The following PELI2 variants were observed in gnomAD, a reference collection of about 807,000 sequenced individuals.
PELI2 encodes E3 ubiquitin-protein ligase pellino homolog 2.
A neutral mutation model predicts 42.3 loss-of-function variants in PELI2; 23 were observed. The ratio of observed to expected loss-of-function variants is 0.54; its 90% CI spans 0.39 to 0.77. PELI2 has a LOEUF of 0.77. Among genes scored for constraint, PELI2 ranks in the 30% least tolerant of loss-of-function variants. PELI2 has a pLI of 0.00. For missense variants in PELI2, 463 were observed against 553.2 expected (o/e 0.84, Z 1.64); for synonymous variants, 245 against 212.2 (o/e 1.15, Z -1.34).
rs1883430183 is a variant in PELI2 at position 56,130,088 on chromosome 14, G to C, written c.77+11351G>C. Among the ~76,000 whole-genome samples the C allele has an allele frequency of 1.3e-5, 2 of 152,090 alleles. 1 individual carries two copies. The highest frequency in any genetic ancestry group is 4.2e-4 in the South Asian group (2 of 4,816). On this transcript the variant is annotated intron_variant, in intron 1 of 5. Coordinates refer to ENST00000267460, the MANE Select transcript of PELI2 (RefSeq NM_021255.3). ...TTTTTTTTTCTTTTCCTGAGGAGAT[G>C]AGGAAATTCTGGCTAGACTCTTGCT...
chr14:56,211,002 G>A (rs1886695025), intron 2 of PELI2, among the ~76,000 whole-genome samples: 2 of 152,190 alleles, frequency 1.3e-5, no homozygotes, highest in Non-Finnish European at 2.9e-5. Flanking sequence ...ACTACCAAGA[G>A]CATTTGGGTG....
At chr14:56,220,692 G>C (rs1887096105) in intron 2 of PELI2, among the ~76,000 whole-genome samples, 1 of 152,068 alleles carries the variant, frequency 6.6e-6, no homozygotes, top group Non-Finnish European at 1.5e-5. Context: ...AAGAGCATAG[G>C]GGAGGTGGCA....
At chr14:56,294,323 A>C (rs1416855426) in intron 5 of PELI2, among the ~76,000 whole-genome samples, 2 of 152,124 alleles carry the variant, frequency 1.3e-5, no homozygotes, top group African/African-American at 4.8e-5. Context: ...TTGCTCTTGC[A>C]CCTGCCTGTG....
intron 1 of PELI2, among the ~76,000 whole-genome samples, chr14:56,122,720 C>T (rs560390808): frequency 1.3e-3 from 204 of 152,044 alleles, no homozygotes; most frequent in African/African-American, 4.8e-3. Context: ...GGGGGAAAAA[C>T]ATGTCTTGAT....
intron 1 of PELI2, among the ~76,000 whole-genome samples, chr14:56,123,518 T>C (rs1468097392): frequency 1.3e-5 from 2 of 152,226 alleles, no homozygotes; most frequent in Admixed American, 1.3e-4. Flanking sequence ...TGTTACTGGC[T>C]TTGAGTTGCT....
At chr14:56,224,888 C>T (rs1240674431) in intron 2 of PELI2, among the ~76,000 whole-genome samples, 2 of 152,170 alleles carry the variant, frequency 1.3e-5, no homozygotes, top group Non-Finnish European at 2.9e-5. Flanking sequence ...GCTCCCTTCT[C>T]TGGGTCCCCT....
At chr14:56,290,210 C>A (rs535093418) in intron 4 of PELI2, 58 bp from the exon 5 acceptor site, 4 of 1,337,504 alleles carry the variant, frequency 3.0e-6, no homozygotes, top group Admixed American at 2.3e-5. Flanking sequence ...ATTCCAGAAT[C>A]CTTTCCATTT....
At chr14:56,275,368 A>C (rs1020867990) in intron 2 of PELI2, among the ~76,000 whole-genome samples, 2 of 152,180 alleles carry the variant, frequency 1.3e-5, no homozygotes, top group African/African-American at 4.8e-5. Context: ...CAAGCACGTT[A>C]CATTTGTTGT....
intron 2 of PELI2, among the ~76,000 whole-genome samples, chr14:56,236,441 A>G (rs12895653): frequency 0.4 from 61,287 of 152,018 alleles, 13,069 homozygotes; most frequent in South Asian, 0.53. Context: ...CCAGACTTCT[A>G]GCTGGCTTTG....
At chr14:56,220,654 A>G (rs1887093453) in intron 2 of PELI2, among the ~76,000 whole-genome samples, 1 of 152,150 alleles carries the variant, frequency 6.6e-6, no homozygotes, top group African/African-American at 2.4e-5. Flanking sequence ...AAAAGGAGGG[A>G]GTGAAAGAAG....
At chr14:56,224,766 G>A (rs953248866) in intron 2 of PELI2, among the ~76,000 whole-genome samples, 3 of 152,160 alleles carry the variant, frequency 2.0e-5, no homozygotes, top group Non-Finnish European at 4.4e-5. Flanking sequence ...ATTTTAACAA[G>A]GTAATCTTTT....
At chr14:56,186,135 G>C (rs532392654) in intron 2 of PELI2, among the ~76,000 whole-genome samples, 1 of 152,282 alleles carries the variant, frequency 6.6e-6, no homozygotes, top group African/African-American at 2.4e-5. Flanking sequence ...GGAAGAAGGA[G>C]CAGGAGAGAT....
At chr14:56,266,518 T>C (rs1888911807) in intron 2 of PELI2, among the ~76,000 whole-genome samples, 1 of 152,078 alleles carries the variant, frequency 6.6e-6, no homozygotes, top group Non-Finnish European at 1.5e-5. Flanking sequence ...GAAATGCTAA[T>C]TAAAAGCACT....
intron 1 of PELI2, 76 bp from the exon 2 acceptor site, chr14:56,178,259 A>G: frequency 1.3e-6 from 2 of 1,491,920 alleles, no homozygotes; most frequent in Non-Finnish European, 1.9e-6. Context: ...CTTTTCCCTT[A>G]TTCAATACCT....
chr14:56,244,665 TA>T (rs1888088778), intron 2 of PELI2, among the ~76,000 whole-genome samples: 1 of 152,206 alleles, frequency 6.6e-6, no homozygotes, highest in Non-Finnish European at 1.5e-5. Flanking sequence ...ACTGAATGTG[TA>T]TTTTCCACTG....
intron 2 of PELI2, among the ~76,000 whole-genome samples, chr14:56,216,140 T>C (rs1886898350): frequency 6.6e-6 from 1 of 152,244 alleles, no homozygotes; most frequent in African/African-American, 2.4e-5. Flanking sequence ...CATGCAGTTG[T>C]TTATGTATTT....
intron 2 of PELI2, among the ~76,000 whole-genome samples, chr14:56,260,480 A>G (rs1566670578): frequency 6.6e-6 from 1 of 152,172 alleles, no homozygotes; most frequent in African/African-American, 2.4e-5. Context: ...AGGCAGTTTC[A>G]GGGATTGGCT....
At chr14:56,174,083 A>G (rs1885279649) in intron 1 of PELI2, among the ~76,000 whole-genome samples, 1 of 152,142 alleles carries the variant, frequency 6.6e-6, no homozygotes, top group South Asian at 2.1e-4. Context: ...TTGTATTTTA[A>G]GTAGAGACAG....
At chr14:56,283,648 T>TAATGTA (rs1462738203) in intron 3 of PELI2, among the ~76,000 whole-genome samples, 9 of 152,174 alleles carry the variant, frequency 5.9e-5, no homozygotes, top group African/African-American at 2.2e-4. Context: ...AAAGGAAAAG[T>TAATGTA]AATGTAAACT....
Sources: allele counts gnomAD v4.1 joint callset (sites outside exome capture counted in the v4.1 genomes callset), GRCh38; gene constraint gnomAD v4.1.1; transcripts MANE v1.5; gene names NCBI Gene and HGNC (gene_info 2026-07-23, HGNC 2026-07-21).